The following ABCG2 variants were observed in gnomAD, a reference collection of about 807,000 sequenced individuals.
The protein encoded by ABCG2 is broad substrate specificity ATP-binding cassette transporter ABCG2.
In ABCG2, 80 loss-of-function variants were observed where a neutral mutation model predicts 73.5. That is an observed-to-expected ratio of 1.09 (90% CI 0.91 to 1.31). The LOEUF is 1.31. Ranked by LOEUF, ABCG2 falls within the 50% of genes most tolerant of loss-of-function variation. ABCG2 has a pLI of 0.00. For synonymous variants in ABCG2, 269 were observed against 282.4 expected (o/e 0.95, Z 0.48); for missense variants, 796 against 786.2 (o/e 1.01, Z -0.15).
rs760563047 is a variant in ABCG2 at position 88,099,395 on chromosome 4, A to G, written c.1421T>C (p.Leu474Pro). The G allele has an allele frequency of 1.5e-5, 24 of 1,612,524 alleles. No individual in the cohort carries two copies. The highest frequency in any genetic ancestry group is 2.0e-5 in the Non-Finnish European group (24 of 1,179,134). ...CCTCATGGGTAATAAATCAGATAAC[A>G]GTTTTCCAAGGAAATAAGATGACAC... ...YRVSSYFLGKLLSDLLPMRML... is the reference protein window; with the variant it reads ...YRVSSYFLGKPLSDLLPMRML... The change falls in exon 12 of 16, where the codon CTG (leucine) becomes CCG (proline). Residue 474 changes from leucine (L) to proline (P), a missense_variant. Physicochemically the swap from Leu to Pro is moderately conservative, Grantham distance 98. Transcript: ENST00000237612.
chr4:88,178,919 G>A (rs1728116864), intron 1 of ABCG2, among the ~76,000 whole-genome samples: 1 of 152,200 alleles, frequency 6.6e-6, no homozygotes, highest in South Asian at 2.1e-4. Context: ...TCCAACTGCA[G>A]TCCCTGGCTC....
At chr4:88,231,238 A>C (rs1460227345) in exon 1 of ABCG2, 2 of 152,228 alleles carry the variant, frequency 1.3e-5, no homozygotes, top group Non-Finnish European at 2.9e-5. Context: ...ACCAGGGAAC[A>C]TTGAGGCTTT....
At chr4:88,138,367 T>A (rs556310975) in intron 2 of ABCG2, among the ~76,000 whole-genome samples, 1 of 152,114 alleles carries the variant, frequency 6.6e-6, no homozygotes, top group Non-Finnish European at 1.5e-5. Flanking sequence ...GTCAGAAGAA[T>A]CACAACTTTT....
chr4:88,205,896 T>TGGTCTCGATCTC lies in ABCG2; in HGVS notation c.-20+25086_-20+25097dup, dbSNP rs550814676. On this transcript the variant is annotated intron_variant, in intron 1 of 15. Coordinates refer to the ABCG2 transcript ENST00000515655. ...TGGGGTTTCCCCATGTTGGCCAGGA[T>TGGTCTCGATCTC]GGTCTCGATCTCTTGACCTCATGAT... 7.2e-3 allele frequency among the ~76,000 whole-genome samples: 1,091 copies of TGGTCTCGATCTC among 152,274 alleles called. 10 individuals are homozygous for TGGTCTCGATCTC. Among genetic ancestry groups the TGGTCTCGATCTC allele is most frequent in the Non-Finnish European group, 0.012 (791 of 68,032 alleles).
chr4:88,172,619 G>C (rs1727801835), intron 1 of ABCG2, among the ~76,000 whole-genome samples: 1 of 151,564 alleles, frequency 6.6e-6, no homozygotes, highest in Non-Finnish European at 1.5e-5. Context: ...AAATTAATAA[G>C]TAAATAAAGT....
At chr4:88,163,635 G>T, upstream of ABCG2, 2 of 211,506 alleles carry the variant, frequency 9.5e-6, no homozygotes, top group South Asian at 7.1e-5. Flanking sequence ...CCATAAACGA[G>T]GTAGTGACCC....
At chr4:88,157,257 C>T (rs1359878511) in intron 1 of ABCG2, among the ~76,000 whole-genome samples, 1 of 152,068 alleles carries the variant, frequency 6.6e-6, no homozygotes, top group African/African-American at 2.4e-5. Flanking sequence ...ATTAACTGAC[C>T]GGGTCTTCTT....
rs1239649265 is a variant in ABCG2 at position 88,113,331 on chromosome 4, A to C, written c.1166T>G (p.Leu389Arg). 1 of 1,614,216 alleles carries C rather than the reference A, an allele frequency of 6.2e-7. No homozygotes were observed. Residue 389 changes from leucine to arginine, a missense_variant, in exon 9 of 16, where the codon CTG becomes CGG. Leu to Arg is a moderately radical substitution (Grantham distance 102, BLOSUM62 -2). Transcript: ENST00000237612. Reference sequence around the variant, plus strand: ...AGCTATAGAGGCCTGGGGATTACCCAGCAAGTTTTTGAATGAACGCTTGGA... The same window carrying C: ...AGCTATAGAGGCCTGGGGATTACCCCGCAAGTTTTTGAATGAACGCTTGGA... ...WVSKRSFKNL[L>R]GNPQASIAQI...
At chr4:88,101,178 C>T (rs1722380647) in intron 11 of ABCG2, 52 bp downstream of exon 11, 1 of 1,525,232 alleles carries the variant, frequency 6.6e-7, no homozygotes, top group Non-Finnish European at 9.1e-7. Context: ...TCAGTCTAAC[C>T]AATAGCCCCT....
rs191904972 is a variant in ABCG2 at position 88,113,581 on chromosome 4, C to T, written c.944-28G>A. On this transcript the variant is annotated intron_variant, in intron 8 of 15. Coordinates refer to ENST00000237612, the MANE Select transcript of ABCG2 (RefSeq NM_004827.3). The stretch of plus-strand genomic sequence containing the variant: ...TTGCAATCAGTGGATAAAAAGGAAA[C>T]ACAAACAAGATAACAACAAATTTAG... The T allele has an allele frequency of 5.6e-6, 9 of 1,601,956 alleles. No homozygotes were observed. The African/African-American group carries it at 9.4e-5, about 17-fold the overall frequency.
intron 5 of ABCG2, among the ~76,000 whole-genome samples, chr4:88,125,686 A>G (rs1057356857): frequency 7.9e-5 from 12 of 151,386 alleles, no homozygotes; most frequent in African/African-American, 2.7e-4. Flanking sequence ...TGACTATTGG[A>G]TAAATAATGA....
In ABCG2 at chr4:88,208,894, G is replaced by T. The variant is rs564903524; in HGVS notation, c.-20+22100C>A. On this transcript the variant is annotated intron_variant, in intron 1 of 15. Coordinates refer to the ABCG2 transcript ENST00000515655. ...TTATTTAATTATAACATTTGAAATT[G>T]GACTGACAAAATTGGTCTTAACCAA... is the stretch of plus-strand genomic sequence containing the variant. Among the ~76,000 whole-genome samples, 30 of 152,238 alleles carry T rather than the reference G, an allele frequency of 2.0e-4. No individual in the cohort carries two copies. In the South Asian group the frequency reaches 6.0e-3, roughly 30 times the overall value.
intron 1 of ABCG2, among the ~76,000 whole-genome samples, chr4:88,205,119 A>G (rs918504700): frequency 3.9e-5 from 6 of 152,242 alleles, no homozygotes; most frequent in African/African-American, 1.4e-4. Flanking sequence ...GTCTACCAAC[A>G]GGGGCACACT....
intron 1 of ABCG2, among the ~76,000 whole-genome samples, chr4:88,229,462 G>T (rs892492819): frequency 2.6e-5 from 4 of 152,136 alleles, no homozygotes; most frequent in African/African-American, 9.7e-5. Context: ...AACATAATGA[G>T]ATCCCGTTTC....
intron 2 of ABCG2, among the ~76,000 whole-genome samples, chr4:88,133,355 T>C (rs1207137043): frequency 6.6e-6 from 1 of 151,202 alleles, no homozygotes; most frequent in East Asian, 1.9e-4. Context: ...AAAGAAAACA[T>C]GACCGAAAGA....
At position 88,180,686 on chromosome 4, in the gene ABCG2, T is replaced by C. The variant is rs546160420; in HGVS notation, c.-19-40672A>G. 4.6e-5 allele frequency among the ~76,000 whole-genome samples: 7 copies of C among 152,112 alleles called. No individual in the cohort carries two copies. The South Asian group carries it at 1.5e-3, about 32-fold the overall frequency. On this transcript the variant is annotated intron_variant, in intron 1 of 15. Coordinates refer to the ABCG2 transcript ENST00000515655. ...GGGGCTCACTTTAGCCCAGAAAGTA[T>C]AGGTTGCAGTGAGCTGAGATCATGC... is the stretch of plus-strand genomic sequence containing the variant.
chr4:88,096,459 A>C (rs563736279), intron 13 of ABCG2, among the ~76,000 whole-genome samples: 9 of 152,334 alleles, frequency 5.9e-5, no homozygotes, highest in African/African-American at 1.9e-4. Context: ...TAAATCAAAC[A>C]AAACATTTGT....
chr4:88,216,634 T>C (rs772675642), intron 1 of ABCG2, among the ~76,000 whole-genome samples: 9 of 152,068 alleles, frequency 5.9e-5, no homozygotes, highest in Non-Finnish European at 1.2e-4. Context: ...TTGTCCGGGG[T>C]GACCAGATGG....
At chr4:88,160,848 CAAAA>C (rs765758097), upstream of ABCG2, among the ~76,000 whole-genome samples, 2 of 37,458 alleles carry the variant, frequency 5.3e-5, no homozygotes, top group Non-Finnish European at 1.0e-4. Flanking sequence ...GACTCCATCT[CAAAA>C]AAAAAAAAAA....
Sources: gnomAD v4.1 joint callset for allele counts (sites outside exome capture counted in the v4.1 genomes callset) on GRCh38, gnomAD v4.1.1 for gene constraint, MANE v1.5 for transcripts, NCBI Gene and HGNC (gene_info 2026-07-23, HGNC 2026-07-21) for gene names.